Variants in LSAMP observed in about 807,000 individuals in gnomAD.
LSAMP encodes the protein limbic system associated membrane protein.
Under a neutral mutation model 38.6 loss-of-function variants are expected in LSAMP, and 7 were observed. The observed-to-expected ratio is 0.18, with a 90% confidence interval of 0.10 to 0.34. LSAMP has a LOEUF of 0.34. LSAMP is among the 10% of genes least tolerant of loss of function. The probability of loss-of-function intolerance (pLI) is 1.00; values close to 1 mark genes in which losing one functional copy is unlikely to be tolerated. For synonymous variants in LSAMP, 154 were observed against 166.8 expected, an observed-to-expected ratio of 0.92 and a Z score of 0.59; for missense variants, 313 against 420.0, an observed-to-expected ratio of 0.75 and a Z score of 2.23.
intron 1 of LSAMP, among the ~76,000 whole-genome samples, chr3:116,198,569 A>G (rs964708487): frequency 4.6e-5 from 7 of 151,860 alleles, no homozygotes; most frequent in Admixed American, 1.3e-4. Context: ...GGAGATCGAG[A>G]CCATCCCGGC....
chr3:116,270,058 C>A (rs941036868), intron 1 of LSAMP, among the ~76,000 whole-genome samples: 1 of 152,130 alleles, frequency 6.6e-6, no homozygotes, highest in South Asian at 2.1e-4. Context: ...CTCCCACCTG[C>A]AATCCTGTTA....
chr3:116,423,799 T>A (rs1920175), intron 1 of LSAMP, among the ~76,000 whole-genome samples: 37,925 of 151,960 alleles, frequency 0.25, 5,167 homozygotes, highest in African/African-American at 0.37. Flanking sequence ...TTTCCTCCTG[T>A]GATGTCTCCT....
intron 1 of LSAMP, among the ~76,000 whole-genome samples, chr3:116,228,623 C>G (rs575884875): frequency 6.6e-6 from 1 of 152,056 alleles, no homozygotes; most frequent in Non-Finnish European, 1.5e-5. Context: ...ATGATTCTTA[C>G]CAGTATTGCT....
intron 4 of LSAMP, among the ~76,000 whole-genome samples, chr3:115,852,183 C>T (rs1009797905): frequency 3.3e-5 from 5 of 152,176 alleles, no homozygotes; most frequent in East Asian, 1.9e-4. Flanking sequence ...TTGATTTCCA[C>T]GAAGACCAGC....
At chr3:116,346,460 C>G (rs906702163) in intron 1 of LSAMP, among the ~76,000 whole-genome samples, 9 of 151,968 alleles carry the variant, frequency 5.9e-5, no homozygotes, top group Non-Finnish European at 1.3e-4. Context: ...TCCACAGTAG[C>G]TGAGACCACA....
chr3:115,992,361 C>CA (rs1397801362), intron 3 of LSAMP, among the ~76,000 whole-genome samples: 4 of 151,876 alleles, frequency 2.6e-5, no homozygotes, highest in Admixed American at 6.6e-5. Flanking sequence ...TCCTCCAGGT[C>CA]AAAAAATCTT....
At chr3:115,937,618 C>T (rs371983496) in intron 3 of LSAMP, among the ~76,000 whole-genome samples, 6 of 147,648 alleles carry the variant, frequency 4.1e-5, no homozygotes, top group South Asian at 4.3e-4. Context: ...TCCAGCCTGG[C>T]GATAGAGTGA....
chr3:115,896,488 A>C (rs1427415273), intron 3 of LSAMP, among the ~76,000 whole-genome samples: 2 of 152,070 alleles, frequency 1.3e-5, no homozygotes, highest in African/African-American at 4.8e-5. Context: ...ATCAGAGTAG[A>C]AAAAGATGAA....
rs538691530 is a variant in LSAMP, at chr3:116,359,210, A to G, written c.155+85667T>C. On this transcript the variant is annotated intron_variant, in intron 1 of 6. Transcript: ENST00000490035. ...TACATTTGTACTATGTGTATAATATATTTTTAATTAATCAGTCCATCAATC... is the reference window on the plus strand; with the variant it reads ...TACATTTGTACTATGTGTATAATATGTTTTTAATTAATCAGTCCATCAATC... Among the ~76,000 whole-genome samples, 3 of 152,258 alleles carry G rather than the reference A, an allele frequency of 2.0e-5. No homozygotes were observed. In the East Asian group the frequency reaches 5.8e-4, roughly 29 times the overall value.
At chr3:116,009,573 G>C (rs188511296) in intron 3 of LSAMP, among the ~76,000 whole-genome samples, 2 of 152,166 alleles carry the variant, frequency 1.3e-5, no homozygotes. Context: ...CTTTGCTTCT[G>C]CTCTGGGTAA....
intron 1 of LSAMP, among the ~76,000 whole-genome samples, chr3:116,258,017 C>T (rs2046773583): frequency 6.6e-6 from 1 of 152,060 alleles, no homozygotes; most frequent in Non-Finnish European, 1.5e-5. Context: ...AGGCAATTAT[C>T]AGGTAAAATA....
At chr3:116,393,122 G>A (rs1032955599) in intron 1 of LSAMP, among the ~76,000 whole-genome samples, 1 of 152,282 alleles carries the variant, frequency 6.6e-6, no homozygotes, top group East Asian at 1.9e-4. Context: ...CCTGCTGAAT[G>A]TCGAGGCTAA....
chr3:116,247,476 G>T (rs2046619540), intron 1 of LSAMP, among the ~76,000 whole-genome samples: 1 of 152,176 alleles, frequency 6.6e-6, no homozygotes. Flanking sequence ...TACATGTCAA[G>T]AGGCATTTTT....
chr3:115,830,931 C>T (rs1047049050), intron 6 of LSAMP, among the ~76,000 whole-genome samples: 8 of 152,134 alleles, frequency 5.3e-5, no homozygotes, highest in African/African-American at 1.9e-4. Context: ...AACATGAGTC[C>T]CCCTTAGGGA....
chr3:116,402,387 G>T (rs988939026), intron 1 of LSAMP, among the ~76,000 whole-genome samples: 1 of 152,110 alleles, frequency 6.6e-6, no homozygotes, highest in Non-Finnish European at 1.5e-5. Context: ...AGCAAAATGT[G>T]TACATGTTAC....
chr3:116,116,379 C>T (rs144854672), intron 1 of LSAMP, among the ~76,000 whole-genome samples: 1,519 of 151,658 alleles, frequency 0.01, 21 homozygotes, highest in African/African-American at 0.035. Context: ...CTCTGGAACT[C>T]TTCATATGCA....
chr3:116,266,978 T>A (rs1225796841), intron 1 of LSAMP, among the ~76,000 whole-genome samples: 2 of 152,166 alleles, frequency 1.3e-5, no homozygotes, highest in Non-Finnish European at 2.9e-5. Flanking sequence ...GCACTTTACA[T>A]GTGTCAACTC....
chr3:116,300,322 A>AGGGTTTGAACCTGAATACACAGAACAC (rs1433375576), intron 1 of LSAMP, among the ~76,000 whole-genome samples: 2 of 152,236 alleles, frequency 1.3e-5, no homozygotes, highest in Non-Finnish European at 2.9e-5. Flanking sequence ...ACAGTTCCCA[A>AGGGTTTGAACCTGAATACACAGAACAC]GGGTTTGAAC....
intron 1 of LSAMP, among the ~76,000 whole-genome samples, chr3:116,390,073 C>A (rs987567961): frequency 1.3e-5 from 2 of 151,764 alleles, no homozygotes; most frequent in Non-Finnish European, 2.9e-5. Flanking sequence ...CTCAGAAGGA[C>A]CTTCCAGGTA....
Sources: gnomAD v4.1 joint callset for allele counts (sites outside exome capture counted in the v4.1 genomes callset) on GRCh38, gnomAD v4.1.1 for gene constraint, MANE v1.5 for transcripts, NCBI Gene and HGNC (gene_info 2026-07-23, HGNC 2026-07-21) for gene names.